Variants in NCOA1 observed in about 807,000 individuals in gnomAD.
NCOA1 encodes the protein nuclear receptor coactivator 1, also known as Hin-2 protein.
NCOA1 carries 35 observed loss-of-function variants against 150.9 expected under a neutral mutation model. That is an observed-to-expected ratio of 0.23 (90% CI 0.18 to 0.31). The LOEUF (loss-of-function observed/expected upper bound fraction) is 0.31, where lower values mean the gene tolerates loss of function less well. Ranked by LOEUF, NCOA1 falls within the 10% of genes least tolerant of loss-of-function variation. The probability of loss-of-function intolerance (pLI) is 1.00; values close to 1 mark genes in which losing one functional copy is unlikely to be tolerated. For synonymous variants in NCOA1, 590 were observed against 630.0 expected (o/e 0.94, Z 0.95); for missense variants, 1,491 against 1,749.3 (o/e 0.85, Z 2.63).
chr2:24,712,046 C>A (rs1008991237), intron 14 of NCOA1, among the ~76,000 whole-genome samples: 1 of 152,182 alleles, frequency 6.6e-6, no homozygotes, highest in Non-Finnish European at 1.5e-5. Context: ...GAAGAATAAT[C>A]TTGAATCCAT....
chr2:24,556,954 T>A (rs1185915811), intron 1 of NCOA1, among the ~76,000 whole-genome samples: 1 of 151,788 alleles, frequency 6.6e-6, no homozygotes, highest in Non-Finnish European at 1.5e-5. Context: ...AGGCCATTGT[T>A]CCTAAACCTT....
At chr2:24,683,962 A>G (rs1447512427) in intron 8 of NCOA1, among the ~76,000 whole-genome samples, 1 of 152,228 alleles carries the variant, frequency 6.6e-6, no homozygotes, top group Non-Finnish European at 1.5e-5. Flanking sequence ...GCTCTGAAAT[A>G]AAAGCGATTT....
chr2:24,584,822 A>G (rs1572450466), intron 3 of NCOA1, among the ~76,000 whole-genome samples: 1 of 152,190 alleles, frequency 6.6e-6, no homozygotes. Flanking sequence ...TTCACAGACC[A>G]TTGGGCAACC....
chr2:24,622,749 A>G (rs1040794338), intron 3 of NCOA1, among the ~76,000 whole-genome samples: 9 of 152,186 alleles, frequency 5.9e-5, no homozygotes, highest in Non-Finnish European at 1.2e-4. Flanking sequence ...TATTGCCCAT[A>G]TGCAGATCAT....
chr2:24,729,841 T>TA, intron 17 of NCOA1, 26 bp downstream of exon 17: 1 of 1,569,180 alleles, frequency 6.4e-7, no homozygotes, highest in South Asian at 1.2e-5. Context: ...TAGCAGTTGA[T>TA]ACTTTTTTTT....
intron 1 of NCOA1, among the ~76,000 whole-genome samples, chr2:24,519,791 C>G (rs534265438): frequency 3.3e-5 from 5 of 151,726 alleles, no homozygotes; most frequent in African/African-American, 1.2e-4. Context: ...GCCCCCAAAA[C>G]AGAAAATTTA....
chr2:24,638,296 C>A (rs1463593398), intron 3 of NCOA1, among the ~76,000 whole-genome samples: 1 of 150,120 alleles, frequency 6.7e-6, no homozygotes, highest in Admixed American at 6.7e-5. Context: ...GTCACATTGC[C>A]ATGAATAGCA....
At chr2:24,564,122 A>C (rs995634892) in intron 1 of NCOA1, among the ~76,000 whole-genome samples, 173 bp from the exon 2 acceptor site, 2 of 152,206 alleles carry the variant, frequency 1.3e-5, no homozygotes, top group Non-Finnish European at 2.9e-5. Context: ...TTTAATATTT[A>C]AATTAATTTT....
intron 3 of NCOA1, among the ~76,000 whole-genome samples, chr2:24,621,432 ATTTTT>A (rs1162282258): frequency 1.7e-3 from 65 of 38,838 alleles, no homozygotes; most frequent in African/African-American, 4.5e-3. Flanking sequence ...ATTCAGGCAG[ATTTTT>A]TTTTTTTTTT....
chr2:24,706,455 G>T, intron 12 of NCOA1, 113 bp from the exon 13 acceptor site: 1 of 1,222,002 alleles, frequency 8.2e-7, no homozygotes, highest in Non-Finnish European at 1.1e-6. Flanking sequence ...CTCTTTACTT[G>T]ATAGCTTGCA....
At chr2:24,497,310 G>C (rs1663262556) in intron 1 of NCOA1, among the ~76,000 whole-genome samples, 1 of 151,564 alleles carries the variant, frequency 6.6e-6, no homozygotes, top group Non-Finnish European at 1.5e-5. Flanking sequence ...GTGTTGTGGA[G>C]ACTCCTGCAG....
In NCOA1 at chr2:24,525,994, GATGTCTGTATTTGAAGATCAAATAC is replaced by G. The variant is rs1664637548; in HGVS notation, c.-396+34394_-396+34418del. Among the ~76,000 whole-genome samples, 10 of 152,142 alleles carry G rather than the reference GATGTCTGTATTTGAAGATCAAATAC, an allele frequency of 6.6e-5. No homozygotes were observed. The South Asian group carries it at 2.1e-3, about 32-fold the overall frequency. ...GCTTAAGATACTTGATGACTGCTTT[GATGTCTGTATTTGAAGATCAAATAC>G]AGACATCTGTTCTGTCTTCCTATAT... On this transcript the variant is annotated intron_variant, in intron 1 of 22. Transcript: ENST00000348332.
intron 1 of NCOA1, among the ~76,000 whole-genome samples, chr2:24,550,960 T>C (rs1035347607): frequency 1.3e-5 from 2 of 152,090 alleles, no homozygotes; most frequent in African/African-American, 4.8e-5. Flanking sequence ...AATACAAAAA[T>C]TAGCTAGGCA....
At chr2:24,673,543 T>C (rs1449840438) in intron 7 of NCOA1, 80 bp downstream of exon 7, 2 of 787,528 alleles carry the variant, frequency 2.5e-6, no homozygotes, top group Non-Finnish European at 4.1e-6. Context: ...AAATGCCTTA[T>C]ATCCAGTTAA....
chr2:24,605,636 C>T (rs1668331065), intron 3 of NCOA1, among the ~76,000 whole-genome samples: 1 of 152,066 alleles, frequency 6.6e-6, no homozygotes, highest in African/African-American at 2.4e-5. Flanking sequence ...TCAGATAATG[C>T]CAAATTATTT....
chr2:24,663,884 GTCT>G (rs1671295425), intron 5 of NCOA1, among the ~76,000 whole-genome samples: 1 of 151,942 alleles, frequency 6.6e-6, no homozygotes, highest in Admixed American at 6.6e-5. Context: ...CCTCTATACT[GTCT>G]TCAAGTTCTT....
intron 3 of NCOA1, among the ~76,000 whole-genome samples, chr2:24,585,450 A>G (rs1667361723): frequency 6.6e-6 from 1 of 152,040 alleles, no homozygotes; most frequent in South Asian, 2.1e-4. Context: ...TAGTGTAGAA[A>G]TTTCCAAATG....
intron 1 of NCOA1, among the ~76,000 whole-genome samples, chr2:24,560,102 C>T (rs1666238396): frequency 6.6e-6 from 1 of 152,192 alleles, no homozygotes; most frequent in Non-Finnish European, 1.5e-5. Flanking sequence ...TTCTTGTGAG[C>T]ACCTGGTCAA....
intron 4 of NCOA1, among the ~76,000 whole-genome samples, chr2:24,653,892 CTTG>C (rs1670812365): frequency 6.6e-6 from 1 of 152,142 alleles, no homozygotes; most frequent in African/African-American, 2.4e-5. Context: ...TTTCAACTTC[CTTG>C]TTCAGCATTT....
Sources: gnomAD v4.1 joint callset for allele counts (sites outside exome capture counted in the v4.1 genomes callset) on GRCh38, gnomAD v4.1.1 for gene constraint, MANE v1.5 for transcripts, NCBI Gene and HGNC (gene_info 2026-07-23, HGNC 2026-07-21) for gene names.